The following LRIG1 variants were observed in gnomAD, a reference collection of about 807,000 sequenced individuals.
LRIG1 encodes leucine rich repeats and immunoglobulin like domains 1.
Under a neutral mutation model 99.2 loss-of-function variants are expected in LRIG1, and 48 were observed. That is an observed-to-expected ratio of 0.48 (90% CI 0.38 to 0.62). The LOEUF (loss-of-function observed/expected upper bound fraction) is 0.62. Among genes scored for constraint, LRIG1 ranks in the 20% least tolerant of loss-of-function variants. LRIG1 has a pLI of 0.00. For synonymous variants in LRIG1, 772 were observed against 596.1 expected, an observed-to-expected ratio of 1.29 and a Z score of -4.30; for missense variants, 1,646 against 1,434.4, an observed-to-expected ratio of 1.15 and a Z score of -2.38.
chr3:66,471,190 C>T (rs56049141), intron 1 of LRIG1, among the ~76,000 whole-genome samples: 54,771 of 152,056 alleles, frequency 0.36, 11,898 homozygotes, highest in East Asian at 0.57. Flanking sequence ...TTTGGCTTTG[C>T]TATTAGAGAA....
At chr3:66,461,588 T>C (rs192051382) in intron 2 of LRIG1, among the ~76,000 whole-genome samples, 1 of 152,310 alleles carries the variant, frequency 6.6e-6, no homozygotes, top group Admixed American at 6.5e-5. Flanking sequence ...CATATGTACA[T>C]GTAATAGTTT....
In LRIG1 at chr3:66,488,669, T is replaced by C. The variant is rs370445006; in HGVS notation, c.218+11521A>G. 2.6e-5 allele frequency among the ~76,000 whole-genome samples: 4 copies of C among 152,124 alleles called. No individual in the cohort carries two copies. In the East Asian group the frequency reaches 7.7e-4, roughly 29 times the overall value. ...AAAAAGGAAGCCACTAGGCTGTACATGTTAATTGGCTGAGTTTCTATCTTG... is the reference window on the plus strand; with the variant it reads ...AAAAAGGAAGCCACTAGGCTGTACACGTTAATTGGCTGAGTTTCTATCTTG... On this transcript the variant is annotated intron_variant, in intron 1 of 18. Transcript: ENST00000273261.
intron 3 of LRIG1, among the ~76,000 whole-genome samples, chr3:66,445,461 C>A (rs1304923448): frequency 1.3e-5 from 2 of 151,970 alleles, no homozygotes; most frequent in Admixed American, 1.3e-4. Context: ...GGTGGAGGGA[C>A]CAGCAGATAA....
chr3:66,444,302 A>T (rs1347658716), intron 3 of LRIG1, among the ~76,000 whole-genome samples: 1 of 152,204 alleles, frequency 6.6e-6, no homozygotes, highest in Non-Finnish European at 1.5e-5. Flanking sequence ...GCAAATATGT[A>T]ACAGTCATGG....
chr3:66,468,040 T>A (rs1422916344), intron 1 of LRIG1, among the ~76,000 whole-genome samples: 1 of 152,098 alleles, frequency 6.6e-6, no homozygotes, highest in Non-Finnish European at 1.5e-5. Flanking sequence ...ACATTCTTAA[T>A]AAAAACTGCC....
chr3:66,417,796 GAA>G (rs56184898), intron 3 of LRIG1, among the ~76,000 whole-genome samples: 27,827 of 134,408 alleles, frequency 0.21, 2,653 homozygotes, highest in Admixed American at 0.28. Context: ...AAAAGAAAAA[GAA>G]AAAAAAAAAA....
chr3:66,461,864 T>C (rs1017206142), intron 2 of LRIG1, among the ~76,000 whole-genome samples: 1 of 152,192 alleles, frequency 6.6e-6, no homozygotes, highest in African/African-American at 2.4e-5. Flanking sequence ...CAGTCATACC[T>C]AGCTCTGTTT....
At position 66,382,163 on chromosome 3, in the gene LRIG1, T is replaced by G. The variant is rs534276783; in HGVS notation, c.2617+110A>C. The G allele has an allele frequency of 5.4e-5, 69 of 1,275,086 alleles. No homozygotes were observed. The African/African-American group carries it at 9.2e-4, about 17-fold the overall frequency. The allele number at this position is 1,275,086 out of a possible 1,614,324, so 79.0% of individuals were successfully genotyped here. A position where few individuals can be genotyped will look rare whatever the true frequency, so the allele number is the denominator to read the frequency against. ...TCATACCGCCTTCTACTTCACCAAG[T>G]TTGCCCCATCTAATGCCAGGTACCT... On this transcript the variant is annotated intron_variant, in intron 16 of 18. Coordinates refer to ENST00000273261, the MANE Select transcript of LRIG1 (RefSeq NM_015541.3).
chr3:66,407,540 C>A (rs1156677141), intron 7 of LRIG1, 49 bp from the exon 8 acceptor site: 7 of 1,600,756 alleles, frequency 4.4e-6, no homozygotes, highest in African/African-American at 1.3e-5. Flanking sequence ...GGTTGCCCCC[C>A]AACCCCACCC....
intron 8 of LRIG1, chr3:66,406,175 G>C: frequency 1.0e-6 from 1 of 985,490 alleles, no homozygotes. Context: ...TGAAATGCTG[G>C]CGGTGACCTT....
chr3:66,418,891 C>T (rs1431479907), intron 3 of LRIG1, among the ~76,000 whole-genome samples: 1 of 152,142 alleles, frequency 6.6e-6, no homozygotes, highest in Non-Finnish European at 1.5e-5. Flanking sequence ...ACCTCCCCGG[C>T]ATGAAAGGAC....
chr3:66,460,608 C>T (rs927385625), intron 2 of LRIG1, among the ~76,000 whole-genome samples: 2 of 152,198 alleles, frequency 1.3e-5, no homozygotes, highest in African/African-American at 2.4e-5. Context: ...AGTGCAAGGC[C>T]TCGGAAGAAA....
chr3:66,404,385 C>CA, intron 9 of LRIG1: 1 of 1,263,216 alleles, frequency 7.9e-7, no homozygotes, highest in South Asian at 1.3e-5. Flanking sequence ...AGTCTTCCCT[C>CA]CGAGCTGCTA....
chr3:66,383,025 G>C lies in LRIG1; in HGVS notation c.2448C>G (p.Tyr816Ter), dbSNP rs1266451840. Reference protein sequence around the residue: ...LTSLVWVCIIYQTRKKSEEYS... With the variant: ...LTSLVWVCII ...ACTCTTCACTCTTCTTCCTGGTCTG[G>C]TAGATGATGCACACCCAGACCAGTG... The change falls in exon 15 of 19, where the codon TAC (tyrosine) becomes TAG (stop). Residue 816 changes from tyrosine (Y) to a stop codon, truncating the protein, a stop_gained. Coordinates refer to ENST00000273261, the MANE Select transcript of LRIG1 (RefSeq NM_015541.3). LOFTEE classifies it high-confidence loss of function. 6.2e-7 allele frequency: 1 copy of C among 1,614,152 alleles called. No individual in the cohort carries two copies. Among genetic ancestry groups the C allele is most frequent in the Non-Finnish European group, 8.5e-7 (1 of 1,180,016 alleles).
At chr3:66,403,718 A>C (rs901284473) in intron 9 of LRIG1, among the ~76,000 whole-genome samples, 4 of 152,224 alleles carry the variant, frequency 2.6e-5, no homozygotes, top group Non-Finnish European at 5.9e-5. Context: ...GTATTGAGAC[A>C]GAGCCTCCTG....
In LRIG1 at chr3:66,461,791, A is replaced by G. The variant is rs1216669569; in HGVS notation, c.290+647T>C. Among the ~76,000 whole-genome samples the G allele has an allele frequency of 3.3e-5, 5 of 152,368 alleles. No individual in the cohort carries two copies. The South Asian group carries it at 1.0e-3, about 32-fold the overall frequency. Reference sequence around the variant, plus strand: ...TCAAAAACAGAATGCATTAAAAAGAAGGAAAGACTGCAGCCTGATTTCCAA... The same window carrying G: ...TCAAAAACAGAATGCATTAAAAAGAGGGAAAGACTGCAGCCTGATTTCCAA... On this transcript the variant is annotated intron_variant, in intron 2 of 18. Transcript: ENST00000273261.
intron 1 of LRIG1, among the ~76,000 whole-genome samples, chr3:66,464,312 G>A (rs543695003): frequency 1.3e-5 from 2 of 152,206 alleles, no homozygotes; most frequent in Admixed American, 6.5e-5. Flanking sequence ...AGAGCTTAGA[G>A]GACAAGCAAG....
At chr3:66,485,418 G>A (rs1700949875) in intron 1 of LRIG1, among the ~76,000 whole-genome samples, 1 of 152,032 alleles carries the variant, frequency 6.6e-6, no homozygotes, top group African/African-American at 2.4e-5. Flanking sequence ...CACCACTCGG[G>A]TCAGCGTTAA....
At chr3:66,433,251 C>T (rs1282776355) in intron 3 of LRIG1, among the ~76,000 whole-genome samples, 9 of 152,342 alleles carry the variant, frequency 5.9e-5, no homozygotes, top group African/African-American at 1.7e-4. Flanking sequence ...ACCCAGCTAA[C>T]CAAGATGCAA....
Sources: allele counts gnomAD v4.1 joint callset (sites outside exome capture counted in the v4.1 genomes callset), GRCh38; gene constraint gnomAD v4.1.1; transcripts MANE v1.5; gene names NCBI Gene and HGNC (gene_info 2026-07-23, HGNC 2026-07-21).